The following EPHA10 variants were observed in gnomAD, a reference collection of about 807,000 sequenced individuals.
The protein encoded by EPHA10 is EPH receptor A10.
Under a neutral mutation model 109.7 loss-of-function variants are expected in EPHA10, and 120 were observed. The observed-to-expected ratio is 1.09, with a 90% CI of 0.94 to 1.27. The LOEUF (loss-of-function observed/expected upper bound fraction) is 1.27, where lower values mean the gene tolerates loss of function less well. EPHA10 is among the 50% of genes most tolerant of loss of function. The probability of loss-of-function intolerance (pLI) is 0.00; values close to 1 mark genes in which losing one functional copy is unlikely to be tolerated. For missense variants in EPHA10, 1,396 were observed against 1,411.1 expected (o/e 0.99, Z 0.17); for synonymous variants, 640 against 618.9 (o/e 1.03, Z -0.51).
chr1:37,729,963 G>T (rs1645954655), intron 7 of EPHA10, among the ~76,000 whole-genome samples: 1 of 152,048 alleles, frequency 6.6e-6, no homozygotes, highest in Admixed American at 6.6e-5. Flanking sequence ...CCACAAGAAG[G>T]GAGACTGGGG....
rs376288247 is a variant in EPHA10, at chr1:37,731,555, C to T, written c.1519G>A (p.Val507Met). ...KGQSEQTYSM[V>M]KTGAPTVTVT... ...GTGACTGTGGGCGCCCCTGTCTTCA[C>T]CATGGAGTAAGTCTGCTCACTCTGA... The change falls in exon 7 of 17, where the codon GTG becomes ATG. Residue 507 changes from valine (V) to methionine (M), a missense_variant. Transcript: ENST00000373048. 1.5e-5 allele frequency: 25 copies of T among 1,613,544 alleles called. No individual in the cohort carries two copies. Among genetic ancestry groups the T allele is most frequent in the Non-Finnish European group, 2.0e-5 (24 of 1,179,724 alleles).
chr1:37,742,766 G>A (rs1408614603), intron 5 of EPHA10, among the ~76,000 whole-genome samples: 2 of 152,130 alleles, frequency 1.3e-5, no homozygotes, highest in African/African-American at 4.8e-5. Flanking sequence ...TGGGGGTCTT[G>A]CTTGAGGCCA....
chr1:37,756,122 G>C (rs1646390960), intron 3 of EPHA10, among the ~76,000 whole-genome samples: 1 of 152,130 alleles, frequency 6.6e-6, no homozygotes. Flanking sequence ...GCAGAACAGA[G>C]CATGGGCCAA....
In EPHA10 at chr1:37,717,596, G is replaced by A. The variant is rs540896456; in HGVS notation, c.*776C>T. 1 of 231,738 alleles carries A rather than the reference G, an allele frequency of 4.3e-6. No homozygotes were observed. Among genetic ancestry groups the A allele is most frequent in the East Asian group, 6.1e-5 (1 of 16,400 alleles). The allele number at this position is 231,738 out of a possible 1,614,324, so 14.4% of individuals were successfully genotyped here. A position where few individuals can be genotyped will look rare whatever the true frequency, so the allele number is the denominator to read the frequency against. ...AACATGGCCCTTTATGCTTTTCCCA[G>A]ATGTCCTGGCCACTAAGTTCATAAA... On this transcript the variant is annotated 3_prime_UTR_variant, in exon 17 of 17. Transcript: ENST00000373048.
intron 8 of EPHA10, among the ~76,000 whole-genome samples, chr1:37,724,106 A>C (rs1477445931): frequency 6.6e-6 from 1 of 152,264 alleles, no homozygotes; most frequent in Non-Finnish European, 1.5e-5. Context: ...CACGGGTGTC[A>C]CCACAGGAGA....
Position 37,735,357 on chromosome 1 carries a change from C to G in EPHA10, c.1391G>C (p.Arg464Pro). Reference protein sequence around the residue: ...PWEEDEIRRDRVEPQSVSLSW... With the variant: ...PWEEDEIRRDPVEPQSVSLSW... ...CAGGGACACGCTCTGGGGTTCCACT[C>G]GGTCCCTGCGGATCTCATCCTCCTC... Residue 464 changes from arginine (R) to proline (P), a missense_variant, in exon 6 of 17, where the codon CGA becomes CCA. Physicochemically the swap from Arg to Pro is moderately radical, Grantham distance 103 (BLOSUM62 -2). Coordinates refer to ENST00000373048, the MANE Select transcript of EPHA10 (RefSeq NM_001099439.2). The G allele has an allele frequency of 6.3e-7, 1 of 1,577,400 alleles. No homozygotes were observed. The highest frequency in any genetic ancestry group is 1.3e-5 in the African/African-American group (1 of 74,454).
intron 6 of EPHA10, among the ~76,000 whole-genome samples, chr1:37,733,717 A>G (rs1569685037): frequency 6.6e-6 from 1 of 151,970 alleles, no homozygotes; most frequent in African/African-American, 2.4e-5. Flanking sequence ...CTCTTCTCAG[A>G]CACATTCCCC....
Position 37,764,728 on chromosome 1 carries a change from C to T in EPHA10, c.106+233G>A, listed in dbSNP as rs1261766340. ...CGCCTCTGGCTCCCGCGGTTCCTGG[C>T]CTCTTTCTTTCCCAACCTCCCGGGT... On this transcript the variant is annotated intron_variant, in intron 1 of 16. Coordinates refer to ENST00000373048, the MANE Select transcript of EPHA10 (RefSeq NM_001099439.2). This position sits in a 1 kb window ranked among gnomAD's most constrained non-coding sequence, Gnocchi z 5.8. Among the ~76,000 whole-genome samples the T allele has an allele frequency of 6.6e-6, 1 of 152,036 alleles. No homozygotes were observed. The highest frequency in any genetic ancestry group is 1.5e-5 in the Non-Finnish European group (1 of 68,020).
Position 37,764,105 on chromosome 1 carries a change from G to A in EPHA10, c.106+856C>T, listed in dbSNP as rs1646455752. On this transcript the variant is annotated intron_variant, in intron 1 of 16. Coordinates refer to ENST00000373048, the MANE Select transcript of EPHA10 (RefSeq NM_001099439.2). This position sits in a 1 kb window ranked among gnomAD's most constrained non-coding sequence, Gnocchi z 5.8. ...AGGTCAGGACACCCCGGAGTCTTGGGAGATTACCCTCTGGAGCTTAAACCA... is the reference window on the plus strand; with the variant it reads ...AGGTCAGGACACCCCGGAGTCTTGGAAGATTACCCTCTGGAGCTTAAACCA... Among the ~76,000 whole-genome samples, 1 of 152,200 alleles carries A rather than the reference G, an allele frequency of 6.6e-6. No homozygotes were observed.
intron 14 of EPHA10, 123 bp from the exon 15 acceptor site, chr1:37,719,730 A>G: frequency 7.1e-7 from 1 of 1,399,924 alleles, no homozygotes; most frequent in Non-Finnish European, 9.9e-7. Flanking sequence ...ACACAGACAC[A>G]GACACACACA....
chr1:37,749,441 G>C (rs1422989150), intron 5 of EPHA10, among the ~76,000 whole-genome samples: 3 of 151,818 alleles, frequency 2.0e-5, no homozygotes, highest in Non-Finnish European at 4.4e-5. Context: ...GGGAGGCTGA[G>C]GCGGGTGGAT....
chr1:37,724,101 G>A (rs1645848055), intron 8 of EPHA10, among the ~76,000 whole-genome samples: 1 of 152,242 alleles, frequency 6.6e-6, no homozygotes, highest in Non-Finnish European at 1.5e-5. Context: ...GCTGCCACGG[G>A]TGTCACCACA....
chr1:37,758,186 T>G (rs1432754325), intron 3 of EPHA10, among the ~76,000 whole-genome samples: 1 of 152,176 alleles, frequency 6.6e-6, no homozygotes, highest in Non-Finnish European at 1.5e-5. Context: ...ATTAGCAAAA[T>G]GCATCAGCAA....
intron 3 of EPHA10, chr1:37,760,448 A>C: frequency 2.8e-6 from 3 of 1,055,700 alleles, no homozygotes; most frequent in Non-Finnish European, 3.4e-6. Flanking sequence ...CCCAGGGAGC[A>C]CAGTGATTGT....
intron 14 of EPHA10, 48 bp from the exon 15 acceptor site, chr1:37,719,655 G>A (rs369507793): frequency 3.1e-6 from 5 of 1,603,268 alleles, no homozygotes; most frequent in Middle Eastern, 2.1e-4. Flanking sequence ...GGTTTCCCCA[G>A]CATATGGTGT....
chr1:37,723,501 G>A, intron 8 of EPHA10, 129 bp from the exon 9 acceptor site: 1 of 1,029,858 alleles, frequency 9.7e-7, no homozygotes, highest in Non-Finnish European at 1.4e-6. Flanking sequence ...GGAACTTCTT[G>A]TCCAGCTGGT....
chr1:37,753,244 C>A lies in EPHA10; in HGVS notation c.1007-18G>T. On this transcript the variant is annotated intron_variant, in intron 4 of 16. Coordinates refer to ENST00000373048, the MANE Select transcript of EPHA10 (RefSeq NM_001099439.2). ...CGGCGGCCCTGAGGCGGCACAGGGG[C>A]GGGGCGGTCAGGGCGGGGCGTGGGT... The A allele has an allele frequency of 1.2e-6, 1 of 818,700 alleles. No individual in the cohort carries two copies. The highest frequency in any genetic ancestry group is 1.4e-6 in the Non-Finnish European group (1 of 717,622). The allele number at this position is 818,700 out of a possible 1,614,324, so 50.7% of individuals were successfully genotyped here.
intron 5 of EPHA10, among the ~76,000 whole-genome samples, chr1:37,737,691 C>T (rs1157515102): frequency 1.3e-5 from 2 of 152,202 alleles, no homozygotes; most frequent in African/African-American, 4.8e-5. Context: ...ATTCATGACA[C>T]TGGATTCAGC....
chr1:37,722,811 G>T, intron 10 of EPHA10: 1 of 673,130 alleles, frequency 1.5e-6, no homozygotes. Flanking sequence ...TGACCTTGAG[G>T]ACCAGGAGAG....
Sources: gnomAD v4.1 joint callset for allele counts (sites outside exome capture counted in the v4.1 genomes callset) on GRCh38, gnomAD v4.1.1 for gene constraint, Gnocchi (gnomAD v3.1) non-coding constraint, MANE v1.5 for transcripts, NCBI Gene and HGNC (gene_info 2026-07-23, HGNC 2026-07-21) for gene names.